The following CACNA2D1 variants were observed in gnomAD, a reference collection of about 807,000 sequenced individuals.
CACNA2D1 encodes the protein voltage-dependent calcium channel subunit alpha-2/delta-1.
Under a neutral mutation model 171.5 loss-of-function variants are expected in CACNA2D1, and 53 were observed. The observed-to-expected ratio is 0.31, with a 90% CI of 0.25 to 0.39. The LOEUF is 0.39. Among genes scored for constraint, CACNA2D1 ranks in the 10% least tolerant of loss-of-function variants. The pLI is 1.00. For missense variants in CACNA2D1, 903 were observed against 1,299.8 expected (o/e 0.69, Z 4.69); for synonymous variants, 442 against 443.1 (o/e 1.00, Z 0.03).
chr7:82,311,536 A>G (rs964362856), intron 3 of CACNA2D1, among the ~76,000 whole-genome samples: 1 of 152,166 alleles, frequency 6.6e-6, no homozygotes. Context: ...CAATCAAAAA[A>G]AAATCTTTTT....
intron 1 of CACNA2D1, among the ~76,000 whole-genome samples, chr7:82,383,484 C>T (rs1405336008): frequency 6.6e-6 from 1 of 152,144 alleles, no homozygotes; most frequent in Non-Finnish European, 1.5e-5. Flanking sequence ...AAAAGGGAAT[C>T]ACAGAAGAAT....
At chr7:81,995,997 T>C (rs868310553) in intron 19 of CACNA2D1, among the ~76,000 whole-genome samples, 8 of 152,164 alleles carry the variant, frequency 5.3e-5, no homozygotes, top group African/African-American at 1.4e-4. Context: ...ACACGAATGT[T>C]TGATGTATCT....
At chr7:82,334,029 C>T (rs539658686) in intron 3 of CACNA2D1, among the ~76,000 whole-genome samples, 3 of 152,018 alleles carry the variant, frequency 2.0e-5, no homozygotes, top group African/African-American at 7.2e-5. Context: ...GAATACATAA[C>T]CTACAAATCA....
chr7:82,106,295 T>C (rs1302755426), intron 6 of CACNA2D1, among the ~76,000 whole-genome samples: 6 of 152,150 alleles, frequency 3.9e-5, no homozygotes, highest in Non-Finnish European at 8.8e-5. Flanking sequence ...CATTTTTTTT[T>C]CCAGTTGTCA....
chr7:82,150,033 C>T (rs1793643775), intron 4 of CACNA2D1, among the ~76,000 whole-genome samples: 1 of 151,636 alleles, frequency 6.6e-6, no homozygotes, highest in South Asian at 2.1e-4. Flanking sequence ...GGGCAGGGAA[C>T]CAACAGCATC....
chr7:82,115,373 T>C (rs565469866), intron 6 of CACNA2D1, among the ~76,000 whole-genome samples: 4 of 152,096 alleles, frequency 2.6e-5, no homozygotes, highest in Admixed American at 2.6e-4. Context: ...CAAAAGTAAC[T>C]ACAGAAAAAT....
chr7:82,056,981 G>T (rs1805981050), intron 10 of CACNA2D1, among the ~76,000 whole-genome samples: 1 of 152,138 alleles, frequency 6.6e-6, no homozygotes, highest in Non-Finnish European at 1.5e-5. Context: ...GAGGCTGCCA[G>T]CCTGATAACA....
intron 1 of CACNA2D1, among the ~76,000 whole-genome samples, chr7:82,381,804 G>C (rs976727598): frequency 6.6e-6 from 1 of 151,956 alleles, no homozygotes; most frequent in Non-Finnish European, 1.5e-5. Context: ...AAAATTCTCA[G>C]GTCAATTTTT....
chr7:81,976,894 T>C (rs1463686815), intron 24 of CACNA2D1, among the ~76,000 whole-genome samples: 1 of 152,132 alleles, frequency 6.6e-6, no homozygotes, highest in African/African-American at 2.4e-5. Context: ...TTTTTGCACA[T>C]TGATTTTTTA....
At chr7:82,315,037 G>A (rs1377288191) in intron 3 of CACNA2D1, among the ~76,000 whole-genome samples, 3 of 146,172 alleles carry the variant, frequency 2.1e-5, no homozygotes, top group African/African-American at 7.8e-5. Context: ...TCGGGAGGCT[G>A]AGGCAGGAGA....
intron 24 of CACNA2D1, 132 bp from the exon 25 acceptor site, chr7:81,974,684 T>C: frequency 3.3e-6 from 2 of 598,114 alleles, no homozygotes; most frequent in Non-Finnish European, 6.0e-6. Context: ...TCTTGTTACT[T>C]CCATTTCCTC....
intron 3 of CACNA2D1, among the ~76,000 whole-genome samples, chr7:82,217,856 GA>G (rs1231555875): frequency 6.7e-6 from 1 of 149,996 alleles, no homozygotes; most frequent in Non-Finnish European, 1.5e-5. Context: ...TACATGTACT[GA>G]AATTTTTTTT....
intron 4 of CACNA2D1, among the ~76,000 whole-genome samples, chr7:82,165,019 G>A (rs1795294028): frequency 1.3e-5 from 2 of 151,896 alleles, no homozygotes; most frequent in Admixed American, 6.6e-5. Flanking sequence ...ACATCAATGA[G>A]GATGATTCAG....
intron 5 of CACNA2D1, among the ~76,000 whole-genome samples, chr7:82,130,352 G>C (rs1276484340): frequency 6.6e-6 from 1 of 152,026 alleles, no homozygotes; most frequent in South Asian, 2.1e-4. Flanking sequence ...TACTGGTAAA[G>C]TTTCTGCACG....
At chr7:82,291,635 CTGTG>C (rs1191106893) in intron 3 of CACNA2D1, among the ~76,000 whole-genome samples, 1 of 134,480 alleles carries the variant, frequency 7.4e-6, no homozygotes, top group Non-Finnish European at 1.6e-5. Flanking sequence ...TTATATCTAT[CTGTG>C]TGTGTGTGTG....
chr7:82,135,917 T>A (rs1022155007), intron 5 of CACNA2D1, among the ~76,000 whole-genome samples: 7 of 152,206 alleles, frequency 4.6e-5, no homozygotes, highest in African/African-American at 1.7e-4. Flanking sequence ...GAAATAAGTA[T>A]ACATAGGCAT....
intron 3 of CACNA2D1, among the ~76,000 whole-genome samples, chr7:82,298,993 G>A (rs2129423296): frequency 6.6e-6 from 1 of 150,406 alleles, no homozygotes; most frequent in Non-Finnish European, 1.5e-5. Flanking sequence ...AACCGGGGAG[G>A]CAGAGGCTGC....
At chr7:82,029,989 T>C (rs1418948195) in intron 12 of CACNA2D1, 1 of 151,820 alleles carries the variant, frequency 6.6e-6, no homozygotes, top group African/African-American at 2.4e-5. Context: ...ACAGCATCAG[T>C]ATGTTAGCAG....
chr7:81,978,343 A>T (rs1316868836), intron 24 of CACNA2D1, among the ~76,000 whole-genome samples: 1 of 152,202 alleles, frequency 6.6e-6, no homozygotes, highest in African/African-American at 2.4e-5. Context: ...CCAAATGCTG[A>T]TCAATGATAT....
Sources: allele counts gnomAD v4.1 joint callset (sites outside exome capture counted in the v4.1 genomes callset), GRCh38; gene constraint gnomAD v4.1.1; transcripts MANE v1.5; gene names NCBI Gene and HGNC (gene_info 2026-07-23, HGNC 2026-07-21).